The following ABCA12 variants were observed in gnomAD, a reference collection of about 807,000 sequenced individuals.
ABCA12 encodes glucosylceramide transporter ABCA12.
In ABCA12, 156 loss-of-function variants were observed where a neutral mutation model predicts 293.5. The ratio of observed to expected loss-of-function variants is 0.53; its 90% CI spans 0.47 to 0.61. The LOEUF (loss-of-function observed/expected upper bound fraction) is 0.61, where lower values mean the gene tolerates loss of function less well. Among genes scored for constraint, ABCA12 ranks in the 20% least tolerant of loss-of-function variants. The pLI is 0.00. For missense variants in ABCA12, 2,797 were observed against 3,090.2 expected (o/e 0.91, Z 2.25); for synonymous variants, 1,063 against 1,108.0 (o/e 0.96, Z 0.81).
At chr2:215,064,619 T>C (rs565487398) in intron 2 of ABCA12, among the ~76,000 whole-genome samples, 17 of 151,490 alleles carry the variant, frequency 1.1e-4, no homozygotes, top group Admixed American at 2.6e-4. Flanking sequence ...CAAAAAGTGT[T>C]TATGACACAT....
At chr2:214,994,291 G>A (rs1313751342) in intron 23 of ABCA12, among the ~76,000 whole-genome samples, 1 of 151,748 alleles carries the variant, frequency 6.6e-6, no homozygotes, top group Non-Finnish European at 1.5e-5. Context: ...TGCCAGCTTT[G>A]TAATCAGAGA....
At chr2:215,036,239 A>G (rs1239329268) in intron 8 of ABCA12, among the ~76,000 whole-genome samples, 1 of 152,236 alleles carries the variant, frequency 6.6e-6, no homozygotes, top group Non-Finnish European at 1.5e-5. Context: ...TTCTTTTTAT[A>G]TGAAAATTGA....
At chr2:215,127,552 C>G (rs1018313751) in intron 1 of ABCA12, among the ~76,000 whole-genome samples, 6 of 152,174 alleles carry the variant, frequency 3.9e-5, no homozygotes, top group African/African-American at 1.4e-4. Context: ...TAATGTCCCT[C>G]TTTGTCTCTT....
At position 215,128,101 on chromosome 2, in the gene ABCA12, T is replaced by C. The variant is rs191469802; in HGVS notation, c.69+10039A>G. On this transcript the variant is annotated intron_variant, in intron 1 of 52. Transcript: ENST00000272895. ...AATTCTTGGCTGATAATTGTTTTAT[T>C]TGATGAGGCTATAAAGATAGGGCCT... 2.6e-5 allele frequency among the ~76,000 whole-genome samples: 4 copies of C among 152,318 alleles called. No individual in the cohort carries two copies. In the East Asian group the frequency reaches 7.7e-4, roughly 29 times the overall value.
chr2:215,069,845 C>T (rs767895902), intron 2 of ABCA12, among the ~76,000 whole-genome samples: 3 of 152,038 alleles, frequency 2.0e-5, no homozygotes, highest in African/African-American at 7.2e-5. Flanking sequence ...AGTAAAATTG[C>T]GTCTTTTTAA....
intron 2 of ABCA12, among the ~76,000 whole-genome samples, chr2:215,071,536 G>A (rs4673939): frequency 0.46 from 70,383 of 152,060 alleles, 17,740 homozygotes; most frequent in South Asian, 0.6. Flanking sequence ...AAGAGACTGA[G>A]AATTTGAAAA....
chr2:214,962,550 A>C (rs1454036241), intron 39 of ABCA12: 1 of 152,222 alleles, frequency 6.6e-6, no homozygotes. Flanking sequence ...ACCGGAATTC[A>C]GCTCTGGATC....
At chr2:214,946,413 AC>A (rs1369379623) in intron 48 of ABCA12, among the ~76,000 whole-genome samples, 1 of 152,122 alleles carries the variant, frequency 6.6e-6, no homozygotes, top group Non-Finnish European at 1.5e-5. Flanking sequence ...AAAATGTCTA[AC>A]ATTTTAAAGT....
intron 1 of ABCA12, 120 bp from the exon 2 acceptor site, chr2:215,111,810 C>T: frequency 1.4e-6 from 1 of 721,984 alleles, no homozygotes. Flanking sequence ...ATTTGACCAA[C>T]TGTAGATATT....
At chr2:214,948,467 G>A in intron 47 of ABCA12, 129 bp downstream of exon 47, 1 of 989,050 alleles carries the variant, frequency 1.0e-6, no homozygotes, top group Admixed American at 2.1e-5. Flanking sequence ...GAAGGAAAAT[G>A]ACAATGTTTT....
chr2:214,969,489 T>C (rs556574912), intron 37 of ABCA12, among the ~76,000 whole-genome samples: 41 of 152,132 alleles, frequency 2.7e-4, no homozygotes, highest in Non-Finnish European at 5.3e-4. Flanking sequence ...TATAGAGCTA[T>C]ATATTTTTGA....
intron 4 of ABCA12, 31 bp from the exon 5 acceptor site, chr2:215,052,615 C>CA: frequency 6.7e-7 from 1 of 1,497,748 alleles, no homozygotes; most frequent in Non-Finnish European, 9.3e-7. Flanking sequence ...GATTAGCATT[C>CA]CACACACACA....
intron 1 of ABCA12, among the ~76,000 whole-genome samples, chr2:215,136,437 A>G (rs1703228567): frequency 6.6e-6 from 1 of 152,182 alleles, no homozygotes; most frequent in African/African-American, 2.4e-5. Flanking sequence ...AAAAACAAAC[A>G]TCTTCACCTG....
intron 8 of ABCA12, among the ~76,000 whole-genome samples, chr2:215,035,015 G>A (rs1700961325): frequency 6.6e-6 from 1 of 152,204 alleles, no homozygotes; most frequent in African/African-American, 2.4e-5. Flanking sequence ...TGAAGACTAA[G>A]AATGAGGTGG....
At chr2:214,937,703 G>T in intron 50 of ABCA12, 88 bp from the exon 51 acceptor site, 1 of 928,038 alleles carries the variant, frequency 1.1e-6, no homozygotes. Flanking sequence ...CAGGACCCAA[G>T]CCAACCATTA....
intron 19 of ABCA12, among the ~76,000 whole-genome samples, chr2:215,005,127 TACA>T (rs1700225515): frequency 6.6e-6 from 1 of 152,192 alleles, no homozygotes; most frequent in Non-Finnish European, 1.5e-5. Flanking sequence ...TCACTTTGTT[TACA>T]ACAACACTTT....
chr2:215,112,515 TTG>T (rs1253831399), intron 1 of ABCA12, among the ~76,000 whole-genome samples: 2 of 48,114 alleles, frequency 4.2e-5, no homozygotes, highest in Admixed American at 7.3e-4. Flanking sequence ...TTGTTTTTTT[TTG>T]AGACAGAGTC....
chr2:214,937,724 T>C (rs926712056), intron 50 of ABCA12, 109 bp from the exon 51 acceptor site: 17 of 767,248 alleles, frequency 2.2e-5, no homozygotes, highest in African/African-American at 5.2e-5. Flanking sequence ...TATCACCTTT[T>C]CTTTATATGA....
intron 1 of ABCA12, among the ~76,000 whole-genome samples, chr2:215,120,653 C>T (rs551062571): frequency 1.9e-4 from 29 of 152,226 alleles, no homozygotes; most frequent in Non-Finnish European, 3.7e-4. Context: ...ATGACTGGTA[C>T]GTTGAGACTT....
Sources: allele counts gnomAD v4.1 joint callset (sites outside exome capture counted in the v4.1 genomes callset), GRCh38; gene constraint gnomAD v4.1.1; transcripts MANE v1.5; gene names NCBI Gene and HGNC (gene_info 2026-07-23, HGNC 2026-07-21).